The following SULT1C2 variants were observed in gnomAD, a reference collection of about 807,000 sequenced individuals.
SULT1C2 encodes the protein sulfotransferase 1C2.
In SULT1C2, 27 loss-of-function variants were observed where a neutral mutation model predicts 36.0. The ratio of observed to expected loss-of-function variants is 0.75; its 90% confidence interval spans 0.55 to 1.03. The LOEUF is 1.03. SULT1C2 is among the 50% of genes least tolerant of loss of function. The pLI, the probability that SULT1C2 is intolerant of heterozygous loss-of-function variation, is 0.00. For synonymous variants in SULT1C2, 121 were observed against 116.0 expected, an observed-to-expected ratio of 1.04 and a Z score of -0.27; for missense variants, 395 against 359.2, an observed-to-expected ratio of 1.10 and a Z score of -0.80.
chr2:108,293,579 G>A (rs539720009), intron 1 of SULT1C2, 68 bp from the exon 2 acceptor site: 618 of 1,439,748 alleles, frequency 4.3e-4, no homozygotes, highest in Admixed American at 6.4e-4. Flanking sequence ...TGGTTAAAAT[G>A]ATCAATTTTA....
At chr2:108,301,969 G>C (rs1240706170) in intron 4 of SULT1C2, 1 of 152,182 alleles carries the variant, frequency 6.6e-6, no homozygotes, top group African/African-American at 2.4e-5. Context: ...TGTTGGATAA[G>C]GGGACAAAAA....
chr2:108,293,179 C>CA (rs397869118), intron 1 of SULT1C2, among the ~76,000 whole-genome samples: 23,577 of 52,222 alleles, frequency 0.45, 4,990 homozygotes, highest in East Asian at 0.76. Context: ...GACTCTGTCT[C>CA]AAAAAAAAAA....
chr2:108,289,792 G>A (rs183999336), intron 1 of SULT1C2, among the ~76,000 whole-genome samples: 7 of 152,298 alleles, frequency 4.6e-5, no homozygotes, highest in Admixed American at 4.6e-4. Context: ...GTGGGAACTG[G>A]CAGATCCCTC....
At position 108,293,913 on chromosome 2, in the gene SULT1C2, T is replaced by C. The variant is rs888504696; in HGVS notation, c.151+95T>C. ...TCCCCTTCTTAGGAAACCTGCTCCT[T>C]CTTATTGTTCCACAATGGGTTTTGG... is the stretch of plus-strand genomic sequence containing the variant. On this transcript the variant is annotated intron_variant, in intron 2 of 7. Coordinates refer to ENST00000251481, the MANE Select transcript of SULT1C2 (RefSeq NM_001056.4). 2.5e-5 allele frequency: 37 copies of C among 1,505,838 alleles called. No individual in the cohort carries two copies. The African/African-American group carries it at 3.5e-4, about 14-fold the overall frequency. The allele number at this position is 1,505,838 out of a possible 1,614,324, so 93.3% of individuals were successfully genotyped here. A position where few individuals can be genotyped will look rare whatever the true frequency, so the allele number is the denominator to read the frequency against.
chr2:108,295,990 A>G (rs923474315), intron 3 of SULT1C2, among the ~76,000 whole-genome samples: 29 of 152,026 alleles, frequency 1.9e-4, no homozygotes, highest in African/African-American at 6.5e-4. Flanking sequence ...GGGTTTCACT[A>G]TGTTTCCCAG....
chr2:108,293,179 CAA>C (rs397869118), intron 1 of SULT1C2, among the ~76,000 whole-genome samples: 800 of 53,972 alleles, frequency 0.015, 2 homozygotes, highest in South Asian at 0.024. Context: ...GACTCTGTCT[CAA>C]AAAAAAAAAA....
rs1676653051 is a variant in SULT1C2, at chr2:108,293,712, G to A, written c.45G>A (p.Glu15=). The change falls in exon 2 of 8, where the codon GAG becomes GAA. Residue 15 remains glutamate, a synonymous_variant. Coordinates refer to ENST00000251481, the MANE Select transcript of SULT1C2 (RefSeq NM_001056.4). Reference sequence around the variant, plus strand: ...TGGGGAAACAGATAAAACTGAAAGAGGTGGAGGGGACCCTCCTGCAGCCTG... The same window carrying A: ...TGGGGAAACAGATAAAACTGAAAGAAGTGGAGGGGACCCTCCTGCAGCCTG... The part of the protein sequence containing the change: ...SDLGKQIKLK[E]VEGTLLQPAT... The A allele has an allele frequency of 1.9e-6, 3 of 1,614,094 alleles. No homozygotes were observed. The highest frequency in any genetic ancestry group is 1.1e-5 in the South Asian group (1 of 91,050).
At chr2:108,293,178 T>TAAAA (rs1310722589) in intron 1 of SULT1C2, among the ~76,000 whole-genome samples, 1 of 26,440 alleles carries the variant, frequency 3.8e-5, no homozygotes, top group Admixed American at 5.8e-4. Context: ...AGACTCTGTC[T>TAAAA]CAAAAAAAAA....
chr2:108,295,375 A>G (rs889768667), intron 3 of SULT1C2, among the ~76,000 whole-genome samples: 2 of 152,240 alleles, frequency 1.3e-5, no homozygotes, highest in African/African-American at 4.8e-5. Context: ...CTCTGACCCC[A>G]TAGACAGGCC....
rs778189921 is a variant in SULT1C2, at chr2:108,304,626, T to G, written c.428T>G (p.Phe143Cys). The G allele has an allele frequency of 5.0e-6, 8 of 1,613,734 alleles. No individual in the cohort carries two copies. Among genetic ancestry groups the G allele is most frequent in the African/African-American group, 1.3e-5 (1 of 74,920 alleles). The change falls in exon 5 of 8, where the codon TTC becomes TGC. Residue 143 changes from phenylalanine to cysteine, a missense_variant. Coordinates refer to ENST00000251481, the MANE Select transcript of SULT1C2 (RefSeq NM_001056.4). ...GACTGTATGGTTTCCTACTACCATTTCCAAAGGATGAACCACATGCTTCCT... is the reference window on the plus strand; with the variant it reads ...GACTGTATGGTTTCCTACTACCATTGCCAAAGGATGAACCACATGCTTCCT... ...AKDCMVSYYHFQRMNHMLPDP... is the reference protein window; with the variant it reads ...AKDCMVSYYHCQRMNHMLPDP...
At chr2:108,305,073 GGGTT>G in intron 5 of SULT1C2, 95 bp from the exon 6 acceptor site, 1 of 1,313,874 alleles carries the variant, frequency 7.6e-7, no homozygotes, top group South Asian at 1.2e-5. Context: ...TACAGAATTT[GGGTT>G]TTCTCTCTCT....
In SULT1C2 at chr2:108,294,319, C is replaced by A; in HGVS notation, c.242C>A (p.Pro81His). 1.2e-6 allele frequency: 2 copies of A among 1,614,008 alleles called. No individual in the cohort carries two copies. Among genetic ancestry groups the A allele is most frequent in the South Asian group, 2.2e-5 (2 of 91,048 alleles). Residue 81 changes from proline (P) to histidine (H), a missense_variant, in exon 3 of 8, where the codon CCT becomes CAT. Transcript: ENST00000251481. ...CGAGCCATCATCCAACACCGCCATC[C>A]TTTCATTGAGTGGGCTCGGCCACCC... ...CQRAIIQHRHPFIEWARPPQP... is the reference protein window; with the variant it reads ...CQRAIIQHRHHFIEWARPPQP...
rs1677074537 is a variant in SULT1C2, at chr2:108,308,401, G to A, written c.828G>A (p.Arg276=). The A allele has an allele frequency of 1.2e-6, 2 of 1,613,306 alleles. No individual in the cohort carries two copies. Among genetic ancestry groups the A allele is most frequent in the Non-Finnish European group, 1.7e-6 (2 of 1,179,860 alleles). Residue 276 remains arginine (R), a synonymous_variant, in exon 8 of 8, where the codon AGG becomes AGA. Transcript: ENST00000251481. ...KNHFTVAQNE[R]FDEIYRRKME... ...ACTTCACTGTTGCCCAGAATGAGAG[G>A]TTTGATGAAATCTATAGAAGAAAGA...
chr2:108,300,651 A>C, intron 3 of SULT1C2, 187 bp from the exon 4 acceptor site: 2 of 960,280 alleles, frequency 2.1e-6, no homozygotes, highest in Non-Finnish European at 2.9e-6. Context: ...CCCATCCAGG[A>C]CTCAAGCTGT....
intron 1 of SULT1C2, among the ~76,000 whole-genome samples, chr2:108,289,958 C>A (rs12998619): frequency 0.069 from 10,479 of 152,294 alleles, 514 homozygotes; most frequent in Non-Finnish European, 0.1. Flanking sequence ...CCGCCCTGGT[C>A]CTCAGCAGCA....
intron 3 of SULT1C2, chr2:108,298,438 A>C (rs867429290): frequency 1.7e-5 from 3 of 179,456 alleles, no homozygotes; most frequent in South Asian, 7.9e-5. Flanking sequence ...CAGTAGTGCA[A>C]ACACAGCTCA....
intron 1 of SULT1C2, 81 bp from the exon 2 acceptor site, chr2:108,293,563 TAAC>T: frequency 7.4e-7 from 1 of 1,345,880 alleles, no homozygotes; most frequent in Non-Finnish European, 1.0e-6. Context: ...ACTGTACACC[TAAC>T]GATGGTTAAA....
At chr2:108,296,799 C>G (rs1020463602) in intron 3 of SULT1C2, among the ~76,000 whole-genome samples, 1 of 152,188 alleles carries the variant, frequency 6.6e-6, no homozygotes, top group African/African-American at 2.4e-5. Context: ...AGGTGAGGAG[C>G]ATCACTGGGA....
intron 1 of SULT1C2, among the ~76,000 whole-genome samples, chr2:108,289,299 T>C (rs1486356883): frequency 6.6e-6 from 1 of 152,132 alleles, no homozygotes; most frequent in African/African-American, 2.4e-5. Context: ...TCTCCTGTAA[T>C]ACTATCTCTG....
Sources: allele counts gnomAD v4.1 joint callset (sites outside exome capture counted in the v4.1 genomes callset), GRCh38; gene constraint gnomAD v4.1.1; transcripts MANE v1.5; gene names NCBI Gene and HGNC (gene_info 2026-07-23, HGNC 2026-07-21).